The following CNOT11 variants were observed in gnomAD, a reference collection of about 807,000 sequenced individuals.
CNOT11 encodes CCR4-NOT transcription complex subunit 11, also known as UPF0760 protein C2orf29.
In CNOT11, 18 loss-of-function variants were observed where a neutral mutation model predicts 44.6. That is an observed-to-expected ratio of 0.40 (90% confidence interval 0.28 to 0.60). The LOEUF (loss-of-function observed/expected upper bound fraction) is 0.60. Among genes scored for constraint, CNOT11 ranks in the 20% least tolerant of loss-of-function variants. CNOT11 has a pLI of 0.38. For synonymous variants in CNOT11, 291 were observed against 270.9 expected (o/e 1.07, Z -0.73); for missense variants, 513 against 677.0 (o/e 0.76, Z 2.69).
intron 3 of CNOT11, among the ~76,000 whole-genome samples, chr2:101,263,856 G>A (rs1681920299): frequency 1.3e-5 from 2 of 152,240 alleles, no homozygotes. Flanking sequence ...CTCATAATAA[G>A]TGGGTCTAGC....
Position 101,269,734 on chromosome 2 carries a change from C to T in CNOT11, c.*321C>T. 4.9e-6 allele frequency: 1 copy of T among 204,036 alleles called. No homozygotes were observed. Among genetic ancestry groups the T allele is most frequent in the Non-Finnish European group, 9.8e-6 (1 of 101,840 alleles). The allele number at this position is 204,036 out of a possible 1,614,324, so 12.6% of individuals were successfully genotyped here. On this transcript the variant is annotated 3_prime_UTR_variant, in exon 7 of 7. Coordinates refer to ENST00000289382, the MANE Select transcript of CNOT11 (RefSeq NM_017546.5). This position sits in a 1 kb window ranked among gnomAD's most constrained non-coding sequence, Gnocchi z 4.8. ...GAACAAAATGCATTTTTCATTAATA[C>T]AGGCTTCTGATGAACCAGGAATCCT...
Position 101,262,700 on chromosome 2 carries a change from A to G in CNOT11, c.832+9A>G. ...AAAGCCACCTATTGAAAGTAGGTAC[A>G]TATAAATTAATTTATACTCTTTGTT... On this transcript the variant is annotated intron_variant, in intron 3 of 6. Transcript: ENST00000289382. 2 of 1,608,598 alleles carry G rather than the reference A, an allele frequency of 1.2e-6. No individual in the cohort carries two copies. Among genetic ancestry groups the G allele is most frequent in the Non-Finnish European group, 1.7e-6 (2 of 1,175,852 alleles).
Position 101,269,383 on chromosome 2 carries a change from A to G in CNOT11, c.1503A>G (p.Glu501=). 1 of 1,614,090 alleles carries G rather than the reference A, an allele frequency of 6.2e-7. No homozygotes were observed. The highest frequency in any genetic ancestry group is 1.1e-5 in the South Asian group (1 of 91,080). Reference sequence around the variant, plus strand: ...TGTTGAAGACATTGGATACTGGGGAAACACCTTCTGAGACCAAAATGTCAA... The same window carrying G: ...TGTTGAAGACATTGGATACTGGGGAGACACCTTCTGAGACCAAAATGTCAA... ...FRLLKTLDTG[E]TPSETKMSK Residue 501 remains glutamate (E), a synonymous_variant, in exon 7 of 7, where the codon GAA becomes GAG. Coordinates refer to ENST00000289382, the MANE Select transcript of CNOT11 (RefSeq NM_017546.5). The surrounding 1 kb of genome is among the most constrained non-coding windows in gnomAD (Gnocchi z 4.8).
At chr2:101,265,836 C>G (rs1054327701) in intron 4 of CNOT11, among the ~76,000 whole-genome samples, 6 of 152,158 alleles carry the variant, frequency 3.9e-5, no homozygotes, top group South Asian at 2.1e-4. Context: ...GACTGGATGA[C>G]TCTCCTCAGG....
At position 101,253,388 on chromosome 2, in the gene CNOT11, G is replaced by T; in HGVS notation, c.424G>T (p.Ala142Ser). The change falls in exon 1 of 7, where the codon GCC (alanine) becomes TCC (serine). Residue 142 changes from alanine (A) to serine (S), a missense_variant. Ala to Ser is a moderately conservative substitution (Grantham distance 99, BLOSUM62 1). Around this residue, in one of 4 missense-constraint regions of CNOT11, gnomAD observed 259 missense variants for 265.7 expected, o/e 0.97. Transcript: ENST00000289382. The surrounding 1 kb of genome is among the most constrained non-coding windows in gnomAD (Gnocchi z 4.3). The part of the protein sequence containing the change: ...WEMYRTEPLA[A>S]NPFAASFAHL... The stretch of plus-strand genomic sequence containing the variant: ...GATGTACCGCACCGAGCCGCTGGCC[G>T]CCAACCCCTTCGCCGCCAGCTTCGC... 1 of 1,590,392 alleles carries T rather than the reference G, an allele frequency of 6.3e-7. No homozygotes were observed.
intron 5 of CNOT11, among the ~76,000 whole-genome samples, chr2:101,268,054 T>C (rs1338527689): frequency 6.6e-6 from 1 of 152,008 alleles, no homozygotes; most frequent in Non-Finnish European, 1.5e-5. Context: ...GCTGAGGGAG[T>C]GGAAGTACGT....
Position 101,269,687 on chromosome 2 carries a change from T to TA in CNOT11, c.*274_*275insA. The stretch of plus-strand genomic sequence containing the variant: ...AGTTCCGCAAAAAAGTAGATGAGTT[T>TA]CTTTTTTTTTTAAGCACTAAAGAAC... On this transcript the variant is annotated 3_prime_UTR_variant, in exon 7 of 7. Transcript: ENST00000289382. This position sits in a 1 kb window ranked among gnomAD's most constrained non-coding sequence, Gnocchi z 4.8. 1 of 312,046 alleles carries TA rather than the reference T, an allele frequency of 3.2e-6. No homozygotes were observed. Among genetic ancestry groups the TA allele is most frequent in the Non-Finnish European group, 5.8e-6 (1 of 171,452 alleles). 19.3% of individuals were successfully genotyped at this position (312,046 alleles called of 1,614,324 possible).
rs893010198 is a variant in CNOT11, at chr2:101,257,418, C to T, written c.515-373C>T. Among the ~76,000 whole-genome samples the T allele has an allele frequency of 1.8e-4, 27 of 149,136 alleles. No homozygotes were observed. The East Asian group carries it at 4.8e-3, about 26-fold the overall frequency. ...CAAAAAAAAAAAAAAAGCCACAAAA[C>T]GCAGCTTGGCAGTCAAAGACAGATT... On this transcript the variant is annotated intron_variant, in intron 1 of 6. Coordinates refer to ENST00000289382, the MANE Select transcript of CNOT11 (RefSeq NM_017546.5).
rs955735149 is a variant in CNOT11, at chr2:101,262,631, A to T, written c.772A>T (p.Ser258Cys). ...DPDSSNSGFD[S>C]SVASQITEAL... ...GGATTCTTCTAATTCTGGATTTGACAGCTCAGTTGCCTCTCAGATCACAGA... is the reference window on the plus strand; with the variant it reads ...GGATTCTTCTAATTCTGGATTTGACTGCTCAGTTGCCTCTCAGATCACAGA... The change falls in exon 3 of 7, where the codon AGC becomes TGC. Residue 258 changes from serine to cysteine, a missense_variant. Physicochemically the swap from Ser to Cys is moderately radical, Grantham distance 112. Around this residue, in one of 4 missense-constraint regions of CNOT11, gnomAD observed 140 missense variants for 169.8 expected, o/e 0.82. Coordinates refer to ENST00000289382, the MANE Select transcript of CNOT11 (RefSeq NM_017546.5). 6.2e-7 allele frequency: 1 copy of T among 1,614,202 alleles called. No homozygotes were observed. The highest frequency in any genetic ancestry group is 8.5e-7 in the Non-Finnish European group (1 of 1,180,024).
Position 101,265,064 on chromosome 2 carries a change from A to C in CNOT11, c.1035+17A>C, listed in dbSNP as rs200237518. ...CAAACACAGGTGTGTATTGATTGTA[A>C]GCATTTTCTTATCTTTTTTTTTAAA... On this transcript the variant is annotated intron_variant, in intron 4 of 6. Transcript: ENST00000289382. The C allele has an allele frequency of 1.3e-4, 188 of 1,460,226 alleles. 1 individual carries two copies. The highest frequency in any genetic ancestry group is 1.8e-5 in the Non-Finnish European group (20 of 1,090,364). The allele number at this position is 1,460,226 out of a possible 1,614,324, so 90.5% of individuals were successfully genotyped here. A position where few individuals can be genotyped will look rare whatever the true frequency, so the allele number is the denominator to read the frequency against.
At chr2:101,262,066 T>G (rs1396635711) in intron 2 of CNOT11, among the ~76,000 whole-genome samples, 1 of 152,040 alleles carries the variant, frequency 6.6e-6, no homozygotes, top group Non-Finnish European at 1.5e-5. Context: ...GCCAGGATGG[T>G]CTCGATCTCC....
At position 101,264,987 on chromosome 2, in the gene CNOT11, G is replaced by A. The variant is rs768944929; in HGVS notation, c.975G>A (p.Glu325=). 16 of 1,614,144 alleles carry A rather than the reference G, an allele frequency of 9.9e-6. No homozygotes were observed. Among genetic ancestry groups the A allele is most frequent in the Non-Finnish European group, 1.4e-5 (16 of 1,180,022 alleles). The change falls in exon 4 of 7, where the codon GAG becomes GAA. Residue 325 remains glutamate (E), a synonymous_variant. Coordinates refer to ENST00000289382, the MANE Select transcript of CNOT11 (RefSeq NM_017546.5). ...GTGTTAAGAATAGCACTGGTGTGGA[G>A]ATCAAACGAATAATGGCCAAAGCCT... The part of the protein sequence containing the change: ...SMCVKNSTGV[E]IKRIMAKAFK...
chr2:101,266,959 T>G (rs528364873), intron 5 of CNOT11, 80 bp downstream of exon 5: 1 of 1,028,730 alleles, frequency 9.7e-7, no homozygotes, highest in Non-Finnish European at 1.5e-6. Context: ...AACAGATTTT[T>G]GTCTTGATAT....
intron 5 of CNOT11, among the ~76,000 whole-genome samples, chr2:101,268,289 C>T (rs750893126): frequency 2.0e-5 from 3 of 152,200 alleles, no homozygotes; most frequent in Non-Finnish European, 4.4e-5. Flanking sequence ...GGATTGACCA[C>T]GCTGAGTGTT....
At chr2:101,255,859 C>A (rs911428080) in intron 1 of CNOT11, among the ~76,000 whole-genome samples, 7 of 151,776 alleles carry the variant, frequency 4.6e-5, no homozygotes, top group African/African-American at 1.7e-4. Flanking sequence ...GGTGTAAGGC[C>A]GGGTGTGGTA....
intron 2 of CNOT11, 37 bp downstream of exon 2, chr2:101,257,992 G>A: frequency 6.3e-7 from 1 of 1,580,930 alleles, no homozygotes; most frequent in South Asian, 1.1e-5. Context: ...TTTCTGTGTG[G>A]TAATATTAGG....
chr2:101,253,281 C>G lies in CNOT11; in HGVS notation c.317C>G (p.Ser106Trp). The G allele has an allele frequency of 1.2e-6, 2 of 1,611,610 alleles. No individual in the cohort carries two copies. The highest frequency in any genetic ancestry group is 1.7e-6 in the Non-Finnish European group (2 of 1,179,600). ...AAGGCCGACCACTTCCGCCTGGGCT[C>G]GGTGCTCGTCATGCTGCTCCAGCAG... ...FSKADHFRLG[S>W]VLVMLLQQPD... is the part of the protein sequence containing the mutation. The change falls in exon 1 of 7, where the codon TCG becomes TGG. Residue 106 changes from serine to tryptophan, a missense_variant. Physicochemically the swap from Ser to Trp is radical, Grantham distance 177. Around this residue, in one of 4 missense-constraint regions of CNOT11, gnomAD observed 259 missense variants for 265.7 expected, o/e 0.97. Transcript: ENST00000289382. This position sits in a 1 kb window ranked among gnomAD's most constrained non-coding sequence, Gnocchi z 4.3.
intron 4 of CNOT11, among the ~76,000 whole-genome samples, chr2:101,266,407 G>A (rs1681984022): frequency 6.6e-6 from 1 of 152,108 alleles, no homozygotes; most frequent in Non-Finnish European, 1.5e-5. Context: ...ACAGTGTGGA[G>A]TCTGGTTTGA....
chr2:101,262,105 C>CCCAAAGTG (rs1681877214), intron 2 of CNOT11, among the ~76,000 whole-genome samples: 1 of 152,078 alleles, frequency 6.6e-6, no homozygotes, highest in Non-Finnish European at 1.5e-5. Flanking sequence ...GCCTCGGCCT[C>CCCAAAGTG]CCAAAGTGCT....
Sources: gnomAD v4.1 joint callset for allele counts (sites outside exome capture counted in the v4.1 genomes callset) on GRCh38, gnomAD v4.1.1 for gene constraint, gnomAD v4.1.1 regional missense constraint, Gnocchi (gnomAD v3.1) non-coding constraint, MANE v1.5 for transcripts, NCBI Gene and HGNC (gene_info 2026-07-23, HGNC 2026-07-21) for gene names.